The following LPP variants were observed in gnomAD, a reference collection of about 807,000 sequenced individuals.
The protein encoded by LPP is lipoma-preferred partner.
A neutral mutation model predicts 60.4 loss-of-function variants in LPP; 38 were observed. That is an observed-to-expected ratio of 0.63 (90% CI 0.49 to 0.83). LPP has a LOEUF of 0.83. LPP is among the 40% of genes least tolerant of loss of function. The pLI, the probability that LPP is intolerant of heterozygous loss-of-function variation, is 0.00. For missense variants in LPP, 902 were observed against 783.6 expected (o/e 1.15, Z -1.80); for synonymous variants, 328 against 290.8 (o/e 1.13, Z -1.30).
In LPP at chr3:188,418,403, A is replaced by C. The variant is rs138813724; in HGVS notation, c.193+12090A>C. ...TCCACTTTGCTTTACTGCTTACTTT[A>C]TCTTTCTAGCTACTCTGTAAAAAAG... On this transcript the variant is annotated intron_variant, in intron 4 of 11. Coordinates refer to ENST00000617246, the MANE Select transcript of LPP (RefSeq NM_001375462.1). 6.8e-4 allele frequency among the ~76,000 whole-genome samples: 103 copies of C among 152,228 alleles called. 1 individual carries two copies. The highest frequency in any genetic ancestry group is 2.4e-3 in the African/African-American group (100 of 41,544).
chr3:188,575,622 T>C (rs1345290675), intron 6 of LPP, among the ~76,000 whole-genome samples: 1 of 152,182 alleles, frequency 6.6e-6, no homozygotes, highest in Non-Finnish European at 1.5e-5. Flanking sequence ...CATTTGATGC[T>C]GACTCTTCTC....
In LPP at chr3:188,307,192, G is replaced by A. The variant is rs897616109; in HGVS notation, c.-66-34471G>A. Among the ~76,000 whole-genome samples, 4 of 152,302 alleles carry A rather than the reference G, an allele frequency of 2.6e-5. No homozygotes were observed. The East Asian group carries it at 5.8e-4, about 22-fold the overall frequency. ...ACAGACGTGAGCATTGAGGCTCAAG[G>A]AAATGAAGTATCTTTCCTGAGGTCA... On this transcript the variant is annotated intron_variant, in intron 2 of 11. Coordinates refer to ENST00000617246, the MANE Select transcript of LPP (RefSeq NM_001375462.1).
At chr3:188,447,719 T>C (rs961196388) in intron 4 of LPP, among the ~76,000 whole-genome samples, 10 of 150,940 alleles carry the variant, frequency 6.6e-5, no homozygotes, top group African/African-American at 2.4e-4. Context: ...GAGGTTGCAG[T>C]GAGCCGAGAT....
At position 188,862,712 on chromosome 3, in the gene LPP, C is replaced by CAAAAAAAAAAAAAAAAAAAAAAAAAAAA. The variant is rs140751676; in HGVS notation, c.1411-3481_1411-3480insAAAAAAAAAAAAAAAAAAAAAAAAAAAA. Among the ~76,000 whole-genome samples the CAAAAAAAAAAAAAAAAAAAAAAAAAAAA allele has an allele frequency of 2.5e-4, 14 of 55,712 alleles. 1 individual carries two copies. Among genetic ancestry groups the CAAAAAAAAAAAAAAAAAAAAAAAAAAAA allele is most frequent in the African/African-American group, 4.7e-4 (7 of 14,852 alleles). 36.5% of individuals were successfully genotyped at this position (55,712 alleles called of 152,430 possible). On this transcript the variant is annotated intron_variant, in intron 9 of 11. Coordinates refer to ENST00000617246, the MANE Select transcript of LPP (RefSeq NM_001375462.1). ...TATCAATGCTGGCAACCCTACTAGACAAAAAAATAAATAAATAAATAAATA... is the reference window on the plus strand; with the variant it reads ...TATCAATGCTGGCAACCCTACTAGACAAAAAAAAAAAAAAAAAAAAAAAAAAAAAAAAAAATAAATAAATAAATAAATA...
intron 6 of LPP, among the ~76,000 whole-genome samples, chr3:188,579,328 G>T (rs752632918): frequency 6.6e-6 from 1 of 152,176 alleles, no homozygotes; most frequent in Non-Finnish European, 1.5e-5. Flanking sequence ...AAAAAAGGTC[G>T]GAAAGTGACA....
chr3:188,223,891 C>T (rs1279247588), intron 1 of LPP, among the ~76,000 whole-genome samples: 1 of 152,198 alleles, frequency 6.6e-6, no homozygotes, highest in Non-Finnish European at 1.5e-5. Context: ...TCTCTCCTTT[C>T]AGTGGAAATG....
At chr3:188,636,816 A>G (rs180832357) in intron 7 of LPP, among the ~76,000 whole-genome samples, 15,112 of 151,580 alleles carry the variant, frequency 0.1, 770 homozygotes, top group African/African-American at 0.12. Context: ...CTCACACGGC[A>G]GGGTATTCCA....
At chr3:188,253,402 A>G (rs1252197574) in intron 2 of LPP, among the ~76,000 whole-genome samples, 1 of 152,110 alleles carries the variant, frequency 6.6e-6, no homozygotes, top group African/African-American at 2.4e-5. Flanking sequence ...TCTTTAATTC[A>G]TCTGCAGTTT....
rs1490545123 is a variant in LPP, at chr3:188,876,696, T to A, written c.*2217T>A. On this transcript the variant is annotated 3_prime_UTR_variant, in exon 12 of 12. Coordinates refer to ENST00000617246, the MANE Select transcript of LPP (RefSeq NM_001375462.1). ...GGACAAAGCAGAGAGTCCAATTTAT[T>A]GAGGGATAGATTGTATCTCTTAAAG... 1 of 191,350 alleles carries A rather than the reference T, an allele frequency of 5.2e-6. No individual in the cohort carries two copies. The highest frequency in any genetic ancestry group is 2.3e-5 in the African/African-American group (1 of 42,952). 11.9% of individuals were successfully genotyped at this position (191,350 alleles called of 1,614,324 possible).
chr3:188,335,847 C>T (rs1362690861), intron 2 of LPP, among the ~76,000 whole-genome samples: 1 of 152,098 alleles, frequency 6.6e-6, no homozygotes, highest in Admixed American at 6.6e-5. Context: ...GAACAATTAC[C>T]TCTTCTATAC....
At chr3:188,157,274 T>C (rs1333874005) in intron 1 of LPP, among the ~76,000 whole-genome samples, 1 of 152,130 alleles carries the variant, frequency 6.6e-6, no homozygotes, top group African/African-American at 2.4e-5. Flanking sequence ...TTTTAACCCT[T>C]GCCCAAGGTC....
intron 9 of LPP, among the ~76,000 whole-genome samples, chr3:188,765,861 C>CTTTTTTTTTTTTTTTTTTTTTT (rs71169019): frequency 1.1e-5 from 1 of 92,618 alleles, no homozygotes. Context: ...ATGTTCAACT[C>CTTTTTTTTTTTTTTTTTTTTTT]TTTTTTTTTT....
At chr3:188,825,442 C>T (rs1017613358) in intron 9 of LPP, among the ~76,000 whole-genome samples, 2 of 151,894 alleles carry the variant, frequency 1.3e-5, no homozygotes, top group Non-Finnish European at 2.9e-5. Flanking sequence ...CTAGTCAACT[C>T]GAGAGTTGGG....
chr3:188,372,499 T>A (rs1773574263), intron 3 of LPP, among the ~76,000 whole-genome samples: 1 of 152,112 alleles, frequency 6.6e-6, no homozygotes, highest in Admixed American at 6.5e-5. Flanking sequence ...TGTCTTGTTG[T>A]AAGAAATGTT....
chr3:188,460,948 G>A (rs544851668), intron 4 of LPP, among the ~76,000 whole-genome samples: 1 of 152,194 alleles, frequency 6.6e-6, no homozygotes, highest in African/African-American at 2.4e-5. Context: ...AAGATAGAGA[G>A]AGAACTAGGC....
intron 3 of LPP, among the ~76,000 whole-genome samples, chr3:188,349,183 G>C (rs975748428): frequency 1.2e-4 from 18 of 152,108 alleles, no homozygotes; most frequent in Non-Finnish European, 2.6e-4. Context: ...TAGAGGGGAA[G>C]AATTTTTTTA....
chr3:188,640,679 A>AG (rs1271306177), intron 7 of LPP, among the ~76,000 whole-genome samples: 1 of 151,966 alleles, frequency 6.6e-6, no homozygotes, highest in East Asian at 1.9e-4. Flanking sequence ...CTCTTCCCAT[A>AG]GCAAGAGTCT....
intron 9 of LPP, among the ~76,000 whole-genome samples, chr3:188,790,350 G>A (rs533485706): frequency 7.9e-5 from 12 of 151,224 alleles, no homozygotes; most frequent in South Asian, 2.1e-4. Context: ...TGGTGTGTGC[G>A]TGTGTGTGTG....
intron 7 of LPP, among the ~76,000 whole-genome samples, chr3:188,651,333 A>G (rs1852035097): frequency 6.6e-6 from 1 of 152,210 alleles, no homozygotes; most frequent in Non-Finnish European, 1.5e-5. Context: ...AATGAGGCAG[A>G]GAAGAGTTGG....
Sources: allele counts gnomAD v4.1 joint callset (sites outside exome capture counted in the v4.1 genomes callset), GRCh38; gene constraint gnomAD v4.1.1; transcripts MANE v1.5; gene names NCBI Gene and HGNC (gene_info 2026-07-23, HGNC 2026-07-21).